Variants in SCUBE1 observed in about 807,000 individuals in gnomAD.
The protein encoded by SCUBE1 is signal peptide, CUB and EGF-like domain-containing protein 1.
In SCUBE1, 59 loss-of-function variants were observed where a neutral mutation model predicts 124.4. The observed-to-expected ratio is 0.47, with a 90% CI of 0.38 to 0.59. The LOEUF (loss-of-function observed/expected upper bound fraction) is 0.59. Among genes scored for constraint, SCUBE1 ranks in the 20% least tolerant of loss-of-function variants. The pLI is 0.00. For missense variants in SCUBE1, 1,150 were observed against 1,371.2 expected (o/e 0.84, Z 2.55); for synonymous variants, 545 against 550.9 (o/e 0.99, Z 0.15).
chr22:43,256,166 A>T (rs916785431), intron 6 of SCUBE1, among the ~76,000 whole-genome samples: 1 of 152,250 alleles, frequency 6.6e-6, no homozygotes, highest in African/African-American at 2.4e-5. Context: ...CCAATAGAAT[A>T]GACACAGAAA....
chr22:43,231,943 C>A, intron 7 of SCUBE1, 68 bp from the exon 8 acceptor site: 1 of 1,586,488 alleles, frequency 6.3e-7, no homozygotes, highest in Non-Finnish European at 8.6e-7. Flanking sequence ...AGCGGGGGGA[C>A]GGCAGGCTAG....
chr22:43,249,892 C>T (rs755705436), intron 6 of SCUBE1, among the ~76,000 whole-genome samples: 2 of 152,150 alleles, frequency 1.3e-5, no homozygotes, highest in Admixed American at 6.5e-5. Context: ...AAGCCTGGGA[C>T]TCCACCTGGC....
At position 43,235,925 on chromosome 22, in the gene SCUBE1, G is replaced by A. The variant is rs140347584; in HGVS notation, c.844+2913C>T. Among the ~76,000 whole-genome samples, 112 of 152,086 alleles carry A rather than the reference G, an allele frequency of 7.4e-4. 1 individual carries two copies. The Middle Eastern group carries it at 0.014, about 18-fold the overall frequency. On this transcript the variant is annotated intron_variant, in intron 7 of 21. Transcript: ENST00000360835. ...TAGGCGCATCTTCCAGGCCCCCCTC[G>A]TCCCCGACATTTGGACAAAACCTCC... is the stretch of plus-strand genomic sequence containing the variant.
chr22:43,262,874 T>C, intron 4 of SCUBE1, 29 bp from the exon 5 acceptor site: 1 of 1,597,584 alleles, frequency 6.3e-7, no homozygotes, highest in Non-Finnish European at 8.6e-7. Flanking sequence ...AAGAGACGGG[T>C]TGAAGACCAG....
At chr22:43,229,336 G>A in intron 8 of SCUBE1, 148 bp from the exon 9 acceptor site, 1 of 653,272 alleles carries the variant, frequency 1.5e-6, no homozygotes, top group East Asian at 2.7e-5. Flanking sequence ...CACAGGAAAT[G>A]GGAGACTCCT....
intron 2 of SCUBE1, among the ~76,000 whole-genome samples, chr22:43,324,217 G>T (rs1207114541): frequency 6.6e-6 from 1 of 152,162 alleles, no homozygotes; most frequent in Non-Finnish European, 1.5e-5. Context: ...TAAACTATCT[G>T]ATCACCATAC....
chr22:43,211,644 G>A lies in SCUBE1; in HGVS notation c.2222-561C>T, dbSNP rs554318139. On this transcript the variant is annotated intron_variant, in intron 17 of 21. Transcript: ENST00000360835. This position sits in a 1 kb window ranked among gnomAD's most constrained non-coding sequence, Gnocchi z 4.5. ...CGATCCTCCCCTCCCAGTCTCCCGA[G>A]TAGCTGGGATTACAGGTGCACATCA... is the stretch of plus-strand genomic sequence containing the variant. 5.3e-5 allele frequency among the ~76,000 whole-genome samples: 8 copies of A among 151,992 alleles called. No homozygotes were observed. The East Asian group carries it at 1.6e-3, about 29-fold the overall frequency.
intron 7 of SCUBE1, among the ~76,000 whole-genome samples, chr22:43,236,279 C>T (rs1922758909): frequency 6.6e-6 from 1 of 152,222 alleles, no homozygotes; most frequent in South Asian, 2.1e-4. Context: ...TGGAGGCCAC[C>T]GTCTGGTTTC....
chr22:43,239,972 G>A (rs1051776255), intron 6 of SCUBE1, among the ~76,000 whole-genome samples: 1 of 152,166 alleles, frequency 6.6e-6, no homozygotes, highest in Non-Finnish European at 1.5e-5. Context: ...TCTGCAGGCT[G>A]GGGGGAGTCA....
intron 2 of SCUBE1, 134 bp downstream of exon 2, chr22:43,338,970 G>A: frequency 9.7e-7 from 1 of 1,027,872 alleles, no homozygotes; most frequent in Non-Finnish European, 1.4e-6. Flanking sequence ...GCTGAGAGAA[G>A]CCTGTGCTGT....
intron 3 of SCUBE1, among the ~76,000 whole-genome samples, chr22:43,303,682 C>T (rs970338855): frequency 4.6e-5 from 7 of 152,200 alleles, no homozygotes; most frequent in African/African-American, 1.7e-4. Context: ...TGTAGTTCTC[C>T]TCCTCTCAAA....
chr22:43,257,177 A>C (rs1923692593), intron 6 of SCUBE1, among the ~76,000 whole-genome samples: 2 of 152,242 alleles, frequency 1.3e-5, no homozygotes, highest in South Asian at 4.1e-4. Flanking sequence ...CCTGAGACCC[A>C]AGGGAACAGC....
intron 16 of SCUBE1, 43 bp downstream of exon 16, chr22:43,214,047 G>GGCC: frequency 5.6e-5 from 8 of 143,438 alleles, no homozygotes; most frequent in South Asian, 1.0e-4. Context: ...AGGAGCCCCC[G>GGCC]CCCACCCCCC....
chr22:43,335,195 A>G (rs1333065156), intron 2 of SCUBE1, among the ~76,000 whole-genome samples: 2 of 152,184 alleles, frequency 1.3e-5, no homozygotes, highest in South Asian at 2.1e-4. Flanking sequence ...ACTGCTGCAC[A>G]TGGTGCCCCT....
chr22:43,258,930 A>G lies in SCUBE1; in HGVS notation c.611-595T>C. Among the ~76,000 whole-genome samples the G allele has an allele frequency of 6.6e-6, 1 of 152,144 alleles. No homozygotes were observed. The highest frequency in any genetic ancestry group is 1.9e-4 in the East Asian group (1 of 5,182). ...AGCTCGGCAATGTCCGAACAGACAG[A>G]CTCATGCAAGTTAATGTCATCTGAG... On this transcript the variant is annotated intron_variant, in intron 5 of 21. Coordinates refer to ENST00000360835, the MANE Select transcript of SCUBE1 (RefSeq NM_173050.5). This position sits in a 1 kb window ranked among gnomAD's most constrained non-coding sequence, Gnocchi z 5.0.
chr22:43,270,174 G>A (rs1924237723), intron 4 of SCUBE1: 1 of 152,204 alleles, frequency 6.6e-6, no homozygotes, highest in African/African-American at 2.4e-5. Flanking sequence ...TTATTGAAAT[G>A]CCATGTAAAA....
intron 8 of SCUBE1, 142 bp from the exon 9 acceptor site, chr22:43,229,330 G>A: frequency 1.5e-6 from 1 of 659,108 alleles, no homozygotes; most frequent in Admixed American, 2.1e-5. Context: ...CCGACCCACA[G>A]GAAATGGGAG....
At chr22:43,293,350 G>A (rs1925440739) in intron 3 of SCUBE1, among the ~76,000 whole-genome samples, 1 of 152,274 alleles carries the variant, frequency 6.6e-6, no homozygotes, top group African/African-American at 2.4e-5. Flanking sequence ...CCGGGAGCTG[G>A]AGTAGCTTGA....
At chr22:43,308,746 T>A (rs1265595741) in intron 3 of SCUBE1, among the ~76,000 whole-genome samples, 1 of 151,918 alleles carries the variant, frequency 6.6e-6, no homozygotes, top group African/African-American at 2.4e-5. Context: ...CCATCGGGAG[T>A]CCCCCGAGGG....
Sources: allele counts gnomAD v4.1 joint callset (sites outside exome capture counted in the v4.1 genomes callset), GRCh38; gene constraint gnomAD v4.1.1; non-coding constraint Gnocchi (gnomAD v3.1); transcripts MANE v1.5; gene names NCBI Gene and HGNC (gene_info 2026-07-23, HGNC 2026-07-21).